The following VPS37B variants were observed in gnomAD, a reference collection of about 807,000 sequenced individuals.
The protein encoded by VPS37B is VPS37B subunit of ESCRT-I, also known as vacuolar protein sorting-associated protein 37B.
In VPS37B, 11 loss-of-function variants were observed where a neutral mutation model predicts 21.2. The observed-to-expected ratio is 0.52, with a 90% CI of 0.33 to 0.86. The LOEUF is 0.86. VPS37B is among the 40% of genes least tolerant of loss of function. VPS37B has a pLI of 0.03. For synonymous variants in VPS37B, 175 were observed against 159.6 expected (o/e 1.10, Z -0.73); for missense variants, 389 against 374.8 (o/e 1.04, Z -0.31).
chr12:122,868,528 C>G lies in VPS37B; in HGVS notation c.318G>C (p.Leu106=). 1 of 1,613,892 alleles carries G rather than the reference C, an allele frequency of 6.2e-7. No homozygotes were observed. The highest frequency in any genetic ancestry group is 8.5e-7 in the Non-Finnish European group (1 of 1,179,946). Residue 106 remains leucine (L), a synonymous_variant, in exon 3 of 4, where the codon CTG becomes CTC. Transcript: ENST00000267202. The surrounding 1 kb of genome is among the most constrained non-coding windows in gnomAD (Gnocchi z 5.5). ...CCCCTTCTGCCTGAAGAAGTGCTAA[C>G]AGGGTCTCCAAGGAAGCACTGCTAG... is the stretch of plus-strand genomic sequence containing the variant. ...RQSSSASLET[L]LALLQAEGAK...
At chr12:122,886,485 A>T (rs2034331624) in intron 1 of VPS37B, 1 of 152,186 alleles carries the variant, frequency 6.6e-6, no homozygotes. Context: ...AGCCAGGCGT[A>T]GTGGCAAGCG....
In VPS37B at chr12:122,867,301, C is replaced by T; in HGVS notation, c.673G>A (p.Ala225Thr). ...ACGGCCTGTCCCGAACTCATGGCCG[C>T]AGTAAACGGGGTGGCTAAGCGTCCC... Reference protein sequence around the residue: ...PAGRLATPFTAAMSSGQAVPY... With the variant: ...PAGRLATPFTTAMSSGQAVPY... Residue 225 changes from alanine to threonine, a missense_variant, in exon 4 of 4, where the codon GCG becomes ACG. By Grantham distance (58) the Ala-to-Thr change is moderately conservative. Transcript: ENST00000267202. The surrounding 1 kb of genome is among the most constrained non-coding windows in gnomAD (Gnocchi z 5.5). The T allele has an allele frequency of 1.9e-6, 3 of 1,549,456 alleles. No individual in the cohort carries two copies. The highest frequency in any genetic ancestry group is 2.6e-6 in the Non-Finnish European group (3 of 1,154,074).
rs753791979 is a variant in VPS37B at position 122,868,566 on chromosome 12, G to GA, written c.284-5dup. ...GAAGCACTGCTAGACTGTCTGTCTG[G>GA]AAAAAAAGCAAGAGGTATGACAAAA... On this transcript the variant is annotated splice_region_variant and splice_polypyrimidine_tract_variant and intron_variant, in intron 2 of 3. Transcript: ENST00000267202. This position sits in a 1 kb window ranked among gnomAD's most constrained non-coding sequence, Gnocchi z 5.5. 7 of 1,612,666 alleles carry GA rather than the reference G, an allele frequency of 4.3e-6. No homozygotes were observed. The highest frequency in any genetic ancestry group is 5.1e-6 in the Non-Finnish European group (6 of 1,179,556).
At chr12:122,874,978 A>C (rs946149860) in intron 1 of VPS37B, 39 of 130,194 alleles carry the variant, frequency 3.0e-4, no homozygotes, top group African/African-American at 1.1e-3. Context: ...AAAAAAAAAA[A>C]AAACTCCAAC....
At chr12:122,885,477 T>C (rs1363100183) in intron 1 of VPS37B, 1 of 151,688 alleles carries the variant, frequency 6.6e-6, no homozygotes, top group African/African-American at 2.4e-5. Context: ...ATACCCAGAG[T>C]ATAACTTTAG....
Position 122,866,649 on chromosome 12 carries a change from A to T in VPS37B, c.*467T>A, listed in dbSNP as rs2033905157. The T allele has an allele frequency of 6.5e-6, 1 of 153,398 alleles. No homozygotes were observed. Among genetic ancestry groups the T allele is most frequent in the Non-Finnish European group, 1.5e-5 (1 of 68,668 alleles). The allele number at this position is 153,398 out of a possible 1,614,324, so 9.5% of individuals were successfully genotyped here. On this transcript the variant is annotated 3_prime_UTR_variant, in exon 4 of 4. Coordinates refer to ENST00000267202, the MANE Select transcript of VPS37B (RefSeq NM_024667.3). Reference sequence around the variant, plus strand: ...CGCAGCCACAGGTGGTGGCCCAGCCACGGCGCTCTTCCAGGCCGGCCGGCG... The same window carrying T: ...CGCAGCCACAGGTGGTGGCCCAGCCTCGGCGCTCTTCCAGGCCGGCCGGCG...
At chr12:122,870,639 G>A (rs1161971107) in intron 2 of VPS37B, 1 of 360,290 alleles carries the variant, frequency 2.8e-6, no homozygotes, top group African/African-American at 2.1e-5. Flanking sequence ...AGGAGGCTGA[G>A]ACAGGAGGAT....
At chr12:122,887,585 T>C (rs1190517215) in intron 1 of VPS37B, 1 of 152,282 alleles carries the variant, frequency 6.6e-6, no homozygotes, top group African/African-American at 2.4e-5. Flanking sequence ...TCATAACTTA[T>C]GAGTCATTCA....
chr12:122,875,054 A>C (rs1332711835), intron 1 of VPS37B: 1 of 150,246 alleles, frequency 6.7e-6, no homozygotes, highest in Middle Eastern at 3.2e-3. Flanking sequence ...TTTCATATAA[A>C]TACGATAACT....
chr12:122,867,038 G>A lies in VPS37B; in HGVS notation c.*78C>T. 6.9e-7 allele frequency: 1 copy of A among 1,440,916 alleles called. No individual in the cohort carries two copies. The highest frequency in any genetic ancestry group is 9.1e-7 in the Non-Finnish European group (1 of 1,095,744). 89.3% of individuals were successfully genotyped at this position (1,440,916 alleles called of 1,614,324 possible). ...GCCCCAGAGCCCTTGGCACAGAGCG[G>A]ACCTCCAGCCTCCTTCCCGTGAGCA... On this transcript the variant is annotated 3_prime_UTR_variant, in exon 4 of 4. Transcript: ENST00000267202. This position sits in a 1 kb window ranked among gnomAD's most constrained non-coding sequence, Gnocchi z 5.5.
intron 1 of VPS37B, chr12:122,890,227 C>T (rs1320644176): frequency 6.6e-6 from 1 of 151,822 alleles, no homozygotes; most frequent in Non-Finnish European, 1.5e-5. Context: ...TTTGTGGGAA[C>T]GTAAGTTAAA....
chr12:122,871,499 A>G (rs927678604), intron 1 of VPS37B: 1 of 987,960 alleles, frequency 1.0e-6, no homozygotes, highest in Admixed American at 6.0e-5. Context: ...CATGATGTCA[A>G]TTCAGGCTTC....
At chr12:122,888,631 G>C (rs559478308) in intron 1 of VPS37B, 2 of 455,558 alleles carry the variant, frequency 4.4e-6, no homozygotes, top group African/African-American at 2.0e-5. Context: ...GCATACGACC[G>C]ACCGGTGAGG....
intron 1 of VPS37B, chr12:122,872,799 A>G (rs2135700749): frequency 1.5e-6 from 1 of 688,444 alleles, no homozygotes; most frequent in South Asian, 6.5e-5. Flanking sequence ...GAGAAATGAA[A>G]ACTTATATTC....
At chr12:122,882,568 T>C (rs2034261031) in intron 1 of VPS37B, 1 of 152,222 alleles carries the variant, frequency 6.6e-6, no homozygotes, top group Non-Finnish European at 1.5e-5. Flanking sequence ...TCAAATTGCA[T>C]TAAGACCTTA....
At chr12:122,893,233 C>T (rs1327158574) in intron 1 of VPS37B, among the ~76,000 whole-genome samples, 1 of 152,130 alleles carries the variant, frequency 6.6e-6, no homozygotes, top group Non-Finnish European at 1.5e-5. Context: ...ATTGCAATTA[C>T]TTTTTATTGA....
chr12:122,867,021 G>A lies in VPS37B; in HGVS notation c.*95C>T, dbSNP rs2033913952. The A allele has an allele frequency of 2.1e-6, 3 of 1,395,502 alleles. No individual in the cohort carries two copies. The East Asian group carries it at 7.9e-5, about 37-fold the overall frequency. The allele number at this position is 1,395,502 out of a possible 1,614,324, so 86.4% of individuals were successfully genotyped here. A position where few individuals can be genotyped will look rare whatever the true frequency, so the allele number is the denominator to read the frequency against. On this transcript the variant is annotated 3_prime_UTR_variant, in exon 4 of 4. Coordinates refer to ENST00000267202, the MANE Select transcript of VPS37B (RefSeq NM_024667.3). The surrounding 1 kb of genome is among the most constrained non-coding windows in gnomAD (Gnocchi z 5.5). The stretch of plus-strand genomic sequence containing the variant: ...AGACACGCTGGCCCAGGGCCCCAGA[G>A]CCCTTGGCACAGAGCGGACCTCCAG...
intron 1 of VPS37B, chr12:122,872,409 T>A (rs2034057173): frequency 2.0e-6 from 2 of 985,440 alleles, no homozygotes; most frequent in Middle Eastern, 5.2e-4. Context: ...AGGATTTAAA[T>A]GACAATGAAA....
rs1297832900 is a variant in VPS37B, at chr12:122,870,804, A to G, written c.283+86T>C. On this transcript the variant is annotated intron_variant, in intron 2 of 3. Transcript: ENST00000267202. Reference sequence around the variant, plus strand: ...TATCTTAACCTGAAATTTTTCCGTAATATTTCTTTCCTGGTAGGGCAATAG... The same window carrying G: ...TATCTTAACCTGAAATTTTTCCGTAGTATTTCTTTCCTGGTAGGGCAATAG... The G allele has an allele frequency of 3.4e-6, 5 of 1,457,878 alleles. No individual in the cohort carries two copies. In the East Asian group the frequency reaches 9.1e-5, roughly 27 times the overall value. 90.3% of individuals were successfully genotyped at this position (1,457,878 alleles called of 1,614,324 possible).
Sources: gnomAD v4.1 joint callset for allele counts (sites outside exome capture counted in the v4.1 genomes callset) on GRCh38, gnomAD v4.1.1 for gene constraint, Gnocchi (gnomAD v3.1) non-coding constraint, MANE v1.5 for transcripts, NCBI Gene and HGNC (gene_info 2026-07-23, HGNC 2026-07-21) for gene names.